Variants in CRBN observed in about 807,000 individuals in gnomAD.
CRBN encodes the protein cereblon.
In CRBN, 53 loss-of-function variants were observed where a neutral mutation model predicts 62.2. That is an observed-to-expected ratio of 0.85 (90% CI 0.68 to 1.07). CRBN has a LOEUF of 1.07. Ranked by LOEUF, CRBN falls within the 50% of genes least tolerant of loss-of-function variation. The pLI is 0.00. For missense variants in CRBN, 616 were observed against 531.1 expected (o/e 1.16, Z -1.57); for synonymous variants, 208 against 176.1 (o/e 1.18, Z -1.43).
At chr3:3,167,156 C>T (rs980860693) in intron 5 of CRBN, among the ~76,000 whole-genome samples, 1 of 151,998 alleles carries the variant, frequency 6.6e-6, no homozygotes, top group Admixed American at 6.6e-5. Flanking sequence ...TAAAGAGCAC[C>T]TAGTCTCAAG....
chr3:3,165,659 A>G (rs1363041624), intron 5 of CRBN, among the ~76,000 whole-genome samples: 2 of 152,238 alleles, frequency 1.3e-5, no homozygotes, highest in Non-Finnish European at 2.9e-5. Flanking sequence ...TGTGTGAATA[A>G]AACTTTTATA....
intron 7 of CRBN, 136 bp from the exon 8 acceptor site, chr3:3,154,211 A>G (rs543676769): frequency 6.2e-6 from 4 of 648,160 alleles, no homozygotes; most frequent in African/African-American, 3.6e-5. Context: ...AAACAATACA[A>G]AAATATACCA....
chr3:3,151,105 A>G, intron 10 of CRBN, 60 bp from the exon 11 acceptor site: 2 of 1,566,580 alleles, frequency 1.3e-6, no homozygotes, highest in East Asian at 4.6e-5. Context: ...AGCCTATCAT[A>G]TAAACCTATC....
intron 1 of CRBN, among the ~76,000 whole-genome samples, chr3:3,175,638 G>A (rs1707800641): frequency 6.6e-6 from 1 of 152,080 alleles, no homozygotes; most frequent in African/African-American, 2.4e-5. Context: ...TATTTTAAAT[G>A]GATTCCCTTA....
At position 3,167,783 on chromosome 3, in the gene CRBN, C is replaced by A; in HGVS notation, c.538G>T (p.Ala180Ser). 6.2e-7 allele frequency: 1 copy of A among 1,613,408 alleles called. No individual in the cohort carries two copies. The highest frequency in any genetic ancestry group is 8.5e-7 in the Non-Finnish European group (1 of 1,179,500). ...LRTQSDGIQQ[A>S]KVQILPECVL... ...CATTCGGGAAGAATTTGCACTTTAGCTTGCTGGATTCTAAAATAAAGAGAA... is the reference window on the plus strand; with the variant it reads ...CATTCGGGAAGAATTTGCACTTTAGATTGCTGGATTCTAAAATAAAGAGAA... Residue 180 changes from alanine to serine, a missense_variant, in exon 5 of 11, where the codon GCT becomes TCT. Physicochemically the swap from Ala to Ser is moderately conservative, Grantham distance 99. Transcript: ENST00000231948.
downstream of CRBN, chr3:3,149,735 A>G (rs934342250): frequency 5.3e-5 from 8 of 152,108 alleles, no homozygotes; most frequent in African/African-American, 1.2e-4. Flanking sequence ...CATTTACTCT[A>G]TTTACATAAA....
At chr3:3,173,046 G>C in intron 3 of CRBN, 121 bp from the exon 4 acceptor site, 1 of 778,512 alleles carries the variant, frequency 1.3e-6, no homozygotes, top group Admixed American at 2.0e-5. Context: ...TACAAAGCTA[G>C]GATAATTTTA....
At chr3:3,160,037 T>G (rs1354014184) in intron 5 of CRBN, among the ~76,000 whole-genome samples, 2 of 152,112 alleles carry the variant, frequency 1.3e-5, no homozygotes, top group Non-Finnish European at 2.9e-5. Context: ...TCCAGCAGAG[T>G]AGTATTCACT....
At chr3:3,162,562 TAACAC>T (rs1325682352) in intron 5 of CRBN, among the ~76,000 whole-genome samples, 1 of 152,216 alleles carries the variant, frequency 6.6e-6, no homozygotes, top group Non-Finnish European at 1.5e-5. Context: ...GAATGGTAGA[TAACAC>T]AGAACACTTC....
intron 5 of CRBN, 103 bp from the exon 6 acceptor site, chr3:3,156,384 T>A (rs1706893631): frequency 9.7e-7 from 1 of 1,033,466 alleles, no homozygotes; most frequent in Non-Finnish European, 1.5e-6. Flanking sequence ...GGAAAACATC[T>A]AATTTTAAAA....
At chr3:3,165,487 C>T (rs1242090964) in intron 5 of CRBN, among the ~76,000 whole-genome samples, 1 of 152,158 alleles carries the variant, frequency 6.6e-6, no homozygotes, top group Non-Finnish European at 1.5e-5. Flanking sequence ...GATTAGTCAG[C>T]AGCCATCAAC....
At chr3:3,175,420 C>G in intron 1 of CRBN, 151 bp from the exon 2 acceptor site, 2 of 636,932 alleles carry the variant, frequency 3.1e-6, no homozygotes, top group Non-Finnish European at 5.5e-6. Flanking sequence ...GGACTGGGGT[C>G]CGTGCTGGGC....
intron 5 of CRBN, among the ~76,000 whole-genome samples, chr3:3,160,105 A>T (rs75974829): frequency 6.6e-6 from 1 of 152,236 alleles, no homozygotes; most frequent in South Asian, 2.1e-4. Flanking sequence ...CGAATCTGTT[A>T]CCTGGAGGTA....
Position 3,154,055 on chromosome 3 carries a change from C to CA in CRBN, c.855dup (p.Ala286CysfsTer6). On this transcript the variant is annotated frameshift_variant, in exon 8 of 11. Transcript: ENST00000231948. LOFTEE classifies it high-confidence loss of function. The stretch of plus-strand genomic sequence containing the variant: ...AATACATCATCAATAGGAAGACAAG[C>CA]AGCTACTCTGTAAGAAAAATCTTCA... The CA allele has an allele frequency of 6.2e-7, 1 of 1,612,290 alleles. No homozygotes were observed. The highest frequency in any genetic ancestry group is 8.5e-7 in the Non-Finnish European group (1 of 1,178,332).
At chr3:3,163,570 C>T (rs1362779447) in intron 5 of CRBN, among the ~76,000 whole-genome samples, 3 of 152,198 alleles carry the variant, frequency 2.0e-5, no homozygotes, top group African/African-American at 7.2e-5. Flanking sequence ...GTCTTACTTG[C>T]TTAGCCCAAG....
chr3:3,179,652 G>T lies in CRBN; in HGVS notation c.36C>A (p.His12Gln), dbSNP rs1205324698. 4 of 1,613,100 alleles carry T rather than the reference G, an allele frequency of 2.5e-6. No individual in the cohort carries two copies. In the African/African-American group the frequency reaches 4.0e-5, roughly 16 times the overall value. The change falls in exon 1 of 11, where the codon CAC (histidine) becomes CAA (glutamine). Residue 12 changes from histidine to glutamine, a missense_variant. Coordinates refer to ENST00000231948, the MANE Select transcript of CRBN (RefSeq NM_016302.4). ...AGEGDQQDAA[H>Q]NMGNHLPLLP... The stretch of plus-strand genomic sequence containing the variant: ...GGAGCGGCAGGTGGTTGCCCATGTT[G>T]TGCGCAGCGTCCTGCTGATCTCCTT...
At chr3:3,170,824 A>G (rs1707576555) in intron 4 of CRBN, among the ~76,000 whole-genome samples, 1 of 151,914 alleles carries the variant, frequency 6.6e-6, no homozygotes, top group Non-Finnish European at 1.5e-5. Flanking sequence ...TTTTCCTTTG[A>G]GATGGAGTTT....
chr3:3,177,153 C>G (rs1466435793), intron 1 of CRBN, among the ~76,000 whole-genome samples: 1 of 152,208 alleles, frequency 6.6e-6, no homozygotes, highest in East Asian at 1.9e-4. Flanking sequence ...TTGGGAGACC[C>G]TGGCCTAGAC....
At chr3:3,171,952 G>T (rs1451237448) in intron 4 of CRBN, among the ~76,000 whole-genome samples, 1 of 152,190 alleles carries the variant, frequency 6.6e-6, no homozygotes, top group African/African-American at 2.4e-5. Flanking sequence ...AGACCTCACG[G>T]GTGATGCCAC....
Sources: allele counts gnomAD v4.1 joint callset (sites outside exome capture counted in the v4.1 genomes callset), GRCh38; gene constraint gnomAD v4.1.1; transcripts MANE v1.5; gene names NCBI Gene and HGNC (gene_info 2026-07-23, HGNC 2026-07-21).